Variants in NCOR2 observed in about 807,000 individuals in gnomAD.
NCOR2 encodes the protein CTG repeat protein 26.
NCOR2 carries 81 observed loss-of-function variants against 262.9 expected under a neutral mutation model. That is an observed-to-expected ratio of 0.31 (90% CI 0.26 to 0.37). NCOR2 has a LOEUF of 0.37. Among genes scored for constraint, NCOR2 ranks in the 10% least tolerant of loss-of-function variants. The pLI is 1.00. For missense variants in NCOR2, 3,385 were observed against 3,621.4 expected, an observed-to-expected ratio of 0.93 and a Z score of 1.68; for synonymous variants, 1,659 against 1,559.3, an observed-to-expected ratio of 1.06 and a Z score of -1.51.
At chr12:124,470,310 C>A (rs1160197665) in intron 4 of NCOR2, among the ~76,000 whole-genome samples, 1 of 152,132 alleles carries the variant, frequency 6.6e-6, no homozygotes, top group African/African-American at 2.4e-5. Flanking sequence ...GCAAATTAAA[C>A]CTAGAGTTAC....
chr12:124,498,777 C>A (rs1431178364), upstream of NCOR2, among the ~76,000 whole-genome samples: 2 of 152,176 alleles, frequency 1.3e-5, no homozygotes, highest in Non-Finnish European at 2.9e-5. Context: ...AATTCCAGTC[C>A]ATCCCTACGA....
Position 124,350,739 on chromosome 12 carries a change from T to C in NCOR2, c.3694-2A>G. The C allele has an allele frequency of 6.2e-7, 1 of 1,609,870 alleles. No individual in the cohort carries two copies. On this transcript the variant is annotated splice_acceptor_variant, in intron 27 of 46. Coordinates refer to ENST00000405201, the Ensembl canonical transcript of NCOR2. LOFTEE classifies it high-confidence loss of function. ...GTACAGGACGTCAGCTGGCGTGCCCTGCAGGTGCAGAGGGGTGAGCGCCCA... is the reference window on the plus strand; with the variant it reads ...GTACAGGACGTCAGCTGGCGTGCCCCGCAGGTGCAGAGGGGTGAGCGCCCA...
At chr12:124,551,458 G>A (rs1196275491) in intron 1 of NCOR2, among the ~76,000 whole-genome samples, 1 of 152,186 alleles carries the variant, frequency 6.6e-6, no homozygotes, top group Non-Finnish European at 1.5e-5. Flanking sequence ...AGAGGCGGTG[G>A]CCTCCAGGAA....
intron 1 of NCOR2, among the ~76,000 whole-genome samples, chr12:124,528,997 C>A (rs576525355): frequency 6.6e-6 from 1 of 151,886 alleles, no homozygotes; most frequent in Non-Finnish European, 1.5e-5. Context: ...CTGGCCAACA[C>A]AGAGAAACCC....
rs2047452299 is a variant in NCOR2 at position 124,481,136 on chromosome 12, G to A, written c.411+2460C>T. Among the ~76,000 whole-genome samples the A allele has an allele frequency of 6.6e-6, 1 of 151,740 alleles. No individual in the cohort carries two copies. Among genetic ancestry groups the A allele is most frequent in the Admixed American group, 6.6e-5 (1 of 15,256 alleles). On this transcript the variant is annotated intron_variant, in intron 3 of 46. Coordinates refer to ENST00000405201, the Ensembl canonical transcript of NCOR2. The surrounding 1 kb of genome is among the most constrained non-coding windows in gnomAD (Gnocchi z 4.6). ...AGTGAGCAGGACAGGGGGGCTGTTT[G>A]GGTGGAAAGAAAGAGAGGGAGGAAG... is the stretch of plus-strand genomic sequence containing the variant.
exon 36 of NCOR2, chr12:124,340,378 G>C: frequency 6.2e-7 from 1 of 1,613,076 alleles, no homozygotes; most frequent in Non-Finnish European, 8.5e-7. Flanking sequence ...TCCCGCTCTC[G>C]ATCCCGGTCT....
intron 1 of NCOR2, among the ~76,000 whole-genome samples, chr12:124,554,045 G>A (rs899116829): frequency 6.6e-6 from 1 of 152,196 alleles, no homozygotes; most frequent in Non-Finnish European, 1.5e-5. Context: ...CCCCCACTCA[G>A]GAGCCAGGGC....
At chr12:124,542,673 T>G (rs1465884187) in intron 1 of NCOR2, 1 of 152,128 alleles carries the variant, frequency 6.6e-6, no homozygotes, top group African/African-American at 2.4e-5. Flanking sequence ...CAGGCTGGAG[T>G]TTGGGGACTT....
chr12:124,497,005 G>A (rs559493409), upstream of NCOR2, among the ~76,000 whole-genome samples: 2 of 152,214 alleles, frequency 1.3e-5, no homozygotes, highest in Non-Finnish European at 2.9e-5. The surrounding 1 kb of genome is among the most constrained non-coding windows in gnomAD (Gnocchi z 4.2). Context: ...AGGGCGAAAG[G>A]GCGGTAAGAG....
intron 1 of NCOR2, among the ~76,000 whole-genome samples, chr12:124,543,097 C>G (rs1180085946): frequency 6.6e-6 from 1 of 152,168 alleles, no homozygotes; most frequent in Non-Finnish European, 1.5e-5. Context: ...CCTCCACCAG[C>G]TAGGGCAAGG....
rs777854839 is a variant in NCOR2, at chr12:124,341,805, G to C, written c.5188+18C>G. 2.5e-6 allele frequency: 4 copies of C among 1,586,570 alleles called. No individual in the cohort carries two copies. In the African/African-American group the frequency reaches 4.0e-5, roughly 16 times the overall value. The stretch of plus-strand genomic sequence containing the variant: ...AATAAGGCCAAACCCAGCGGAGGTG[G>C]TCTGCCCACCCACTCACCTCGGGGA... On this transcript the variant is annotated intron_variant, in intron 34 of 46. Coordinates refer to ENST00000405201, the Ensembl canonical transcript of NCOR2.
intron 1 of NCOR2, chr12:124,556,520 C>G (rs2076044690): frequency 6.6e-6 from 1 of 152,244 alleles, no homozygotes; most frequent in Non-Finnish European, 1.5e-5. Flanking sequence ...AGGTGGCACA[C>G]TGGGAAACAA....
rs1413363627 is a variant in NCOR2, at chr12:124,549,217, T to C, written c.-164-13606A>G. Among the ~76,000 whole-genome samples the C allele has an allele frequency of 6.6e-6, 1 of 151,460 alleles. No homozygotes were observed. Among genetic ancestry groups the C allele is most frequent in the East Asian group, 1.9e-4 (1 of 5,154 alleles). The stretch of plus-strand genomic sequence containing the variant: ...TCACGAGATCACCGAGAGGATCAGA[T>C]GAATTCACGTGGCATGTGCCGCACT... On this transcript the variant is annotated intron_variant, in intron 1 of 32. Transcript: ENST00000458234. This position sits in a 1 kb window ranked among gnomAD's most constrained non-coding sequence, Gnocchi z 4.4.
chr12:124,356,858 C>A, intron 22 of NCOR2, 76 bp from the exon 25 acceptor site: 1 of 1,396,778 alleles, frequency 7.2e-7, no homozygotes, highest in Non-Finnish European at 9.3e-7. Context: ...GCTGACCCTA[C>A]ACAAATGGCC....
intron 1 of NCOR2, among the ~76,000 whole-genome samples, chr12:124,550,468 T>C (rs769687509): frequency 1.3e-5 from 2 of 151,984 alleles, no homozygotes; most frequent in Non-Finnish European, 2.9e-5. Context: ...GTATATCTCA[T>C]AGCTCCTTCC....
intron 28 of NCOR2, among the ~76,000 whole-genome samples, chr12:124,349,095 C>T (rs1428417858): frequency 2.6e-5 from 4 of 152,214 alleles, no homozygotes; most frequent in East Asian, 1.9e-4. Flanking sequence ...TGCGTGTGCA[C>T]GGAGAGGTGT....
At chr12:124,492,785 C>T (rs1490182614) in intron 1 of NCOR2, among the ~76,000 whole-genome samples, 1 of 152,178 alleles carries the variant, frequency 6.6e-6, no homozygotes, top group African/African-American at 2.4e-5. Flanking sequence ...AGCTCACCTC[C>T]AACCCACAGC....
intron 20 of NCOR2, among the ~76,000 whole-genome samples, chr12:124,371,421 C>A (rs534851098): frequency 6.6e-6 from 1 of 152,226 alleles, no homozygotes; most frequent in Non-Finnish European, 1.5e-5. Context: ...CTGATATAAT[C>A]AAGTTAAGAT....
At chr12:124,546,504 T>C (rs147288572) in intron 1 of NCOR2, among the ~76,000 whole-genome samples, 12,990 of 152,150 alleles carry the variant, frequency 0.085, 733 homozygotes, top group East Asian at 0.16. Context: ...CGCCTCCACC[T>C]CCTGGGTTCA....
Sources: gnomAD v4.1 joint callset for allele counts (sites outside exome capture counted in the v4.1 genomes callset) on GRCh38, gnomAD v4.1.1 for gene constraint, Gnocchi (gnomAD v3.1) non-coding constraint, MANE v1.5 for transcripts, NCBI Gene and HGNC (gene_info 2026-07-23, HGNC 2026-07-21) for gene names.